ZBED1: variants seen among roughly 807,000 people sequenced by gnomAD.
The protein encoded by ZBED1 is zinc finger BED-type containing 1, also known as E3 SUMO-protein ligase ZBED1.
Under a neutral mutation model 49.7 loss-of-function variants are expected in ZBED1, and 19 were observed. That is an observed-to-expected ratio of 0.38 (90% CI 0.27 to 0.56). ZBED1 has a LOEUF of 0.56. Ranked by LOEUF, ZBED1 falls within the 20% of genes least tolerant of loss-of-function variation. The pLI, the probability that ZBED1 is intolerant of heterozygous loss-of-function variation, is 0.70. For missense variants in ZBED1, 806 were observed against 972.6 expected, an observed-to-expected ratio of 0.83 and a Z score of 2.28; for synonymous variants, 439 against 440.3, an observed-to-expected ratio of 1.00 and a Z score of 0.04.
rs2044969564 is a variant in ZBED1, at chrX:2,487,371, T to C, written c.*1264A>G. The C allele has an allele frequency of 9.4e-6, 1 of 105,852 alleles. No homozygotes were observed. The highest frequency in any genetic ancestry group is 4.5e-4 in the South Asian group (1 of 2,224). The allele number at this position is 105,852 out of a possible 1,614,324, so 6.6% of individuals were successfully genotyped here. On this transcript the variant is annotated 3_prime_UTR_variant, in exon 2 of 2. Coordinates refer to ENST00000652001, the MANE Select transcript of ZBED1 (RefSeq NM_001171136.2). ...CTCCGGACCCGTGAGCCACCCACTT[T>C]TGTTTTGTTTTGAGACGGAGTCTCA...
At chrX:2,495,493 A>C (rs899766874) in intron 1 of ZBED1, among the ~76,000 whole-genome samples, 1 of 152,142 alleles carries the variant, frequency 6.6e-6, no homozygotes, top group Non-Finnish European at 1.5e-5. Context: ...CCCCTAACCA[A>C]GTGACTCCTG....
At chrX:2,493,076 G>A (rs1454877285) in intron 1 of ZBED1, among the ~76,000 whole-genome samples, 1 of 152,226 alleles carries the variant, frequency 6.6e-6, no homozygotes, top group African/African-American at 2.4e-5. Flanking sequence ...CACTTCCCAA[G>A]ACTGGGGTGC....
Position 2,490,661 on chromosome X carries a change from C to G in ZBED1, c.59G>C (p.Arg20Pro). ...ATACTTCCACACCTTGCTCTTGGCGCGGGGGTGGGCCACCAGCTTCAGGTC... is the reference window on the plus strand; with the variant it reads ...ATACTTCCACACCTTGCTCTTGGCGGGGGGGTGGGCCACCAGCTTCAGGTC... ...QTDLKLVAHP[R>P]AKSKVWKYFG... is the part of the protein sequence containing the mutation. The change falls in exon 2 of 2, where the codon CGC (arginine) becomes CCC (proline). Residue 20 changes from arginine (R) to proline (P), a missense_variant. Arg to Pro is a moderately radical substitution (Grantham distance 103). Transcript: ENST00000652001. The G allele has an allele frequency of 6.2e-7, 1 of 1,613,870 alleles. No individual in the cohort carries two copies. Among genetic ancestry groups the G allele is most frequent in the South Asian group, 1.1e-5 (1 of 91,066 alleles).
intron 1 of ZBED1, among the ~76,000 whole-genome samples, chrX:2,495,290 C>A (rs1411986403): frequency 6.6e-6 from 1 of 151,364 alleles, no homozygotes; most frequent in East Asian, 1.9e-4. Flanking sequence ...ATCATTATTC[C>A]TATTGTTGTT....
chrX:2,488,470 CGA>C lies in ZBED1; in HGVS notation c.*163_*164del. The C allele has an allele frequency of 1.0e-6, 1 of 970,332 alleles. No homozygotes were observed. The highest frequency in any genetic ancestry group is 1.5e-6 in the Non-Finnish European group (1 of 678,894). The allele number at this position is 970,332 out of a possible 1,614,324, so 60.1% of individuals were successfully genotyped here. A position where few individuals can be genotyped will look rare whatever the true frequency, so the allele number is the denominator to read the frequency against. ...GATTATAGACAGGAGCCACCGCCCC[CGA>C]CCCTCTCTCACTTCTCAAATCTCTT... On this transcript the variant is annotated 3_prime_UTR_variant, in exon 2 of 2. Coordinates refer to ENST00000652001, the MANE Select transcript of ZBED1 (RefSeq NM_001171136.2).
Position 2,490,091 on chromosome X carries a change from T to G in ZBED1, c.629A>C (p.Tyr210Ser). The change falls in exon 2 of 2, where the codon TAC becomes TCC. Residue 210 changes from tyrosine to serine, a missense_variant. Around this residue, in one of 2 missense-constraint regions of ZBED1, gnomAD observed 749 missense variants for 861.3 expected, o/e 0.87. Coordinates refer to ENST00000652001, the MANE Select transcript of ZBED1 (RefSeq NM_001171136.2). ...CAGGAAGTGGGCGGCCAGCGTGACG[T>G]AGGCGCGGTTCTGATTCTCACTCCT... ...MWRSENQNRA[Y>S]VTLAAHFLGL... 6.2e-7 allele frequency: 1 copy of G among 1,613,796 alleles called. No individual in the cohort carries two copies. The highest frequency in any genetic ancestry group is 1.3e-5 in the African/African-American group (1 of 75,038).
In ZBED1 at chrX:2,487,217, C is replaced by G. The variant is rs2044964041; in HGVS notation, c.*1418G>C. ...GGCAATATTTTAAAATTCATTTCCC[C>G]TATGGTATTCAGTTTAAAAGAGAAG... On this transcript the variant is annotated 3_prime_UTR_variant, in exon 2 of 2. Transcript: ENST00000652001. The G allele has an allele frequency of 6.6e-6, 1 of 152,242 alleles. No homozygotes were observed. Among genetic ancestry groups the G allele is most frequent in the Admixed American group, 6.5e-5 (1 of 15,288 alleles). The allele number at this position is 152,242 out of a possible 1,614,324, so 9.4% of individuals were successfully genotyped here.
At position 2,488,560 on chromosome X, in the gene ZBED1, G is replaced by T; in HGVS notation, c.*75C>A. The T allele has an allele frequency of 6.7e-7, 1 of 1,498,254 alleles. No individual in the cohort carries two copies. Among genetic ancestry groups the T allele is most frequent in the Non-Finnish European group, 8.9e-7 (1 of 1,122,906 alleles). 92.8% of individuals were successfully genotyped at this position (1,498,254 alleles called of 1,614,324 possible). A position where few individuals can be genotyped will look rare whatever the true frequency, so the allele number is the denominator to read the frequency against. ...GGTCTCTGAGGTTCAAAACCAAGCT[G>T]ACCGGGTAAGTATTTACAGCAAAGC... is the stretch of plus-strand genomic sequence containing the variant. On this transcript the variant is annotated 3_prime_UTR_variant, in exon 2 of 2. Coordinates refer to ENST00000652001, the MANE Select transcript of ZBED1 (RefSeq NM_001171136.2).
chrX:2,492,168 A>T (rs1014740728), intron 1 of ZBED1, among the ~76,000 whole-genome samples: 6 of 152,222 alleles, frequency 3.9e-5, no homozygotes, highest in African/African-American at 1.4e-4. Context: ...GTACTTGTGT[A>T]TGGGACCTTG....
intron 1 of ZBED1, among the ~76,000 whole-genome samples, chrX:2,496,558 C>A (rs371855988): frequency 6.6e-6 from 1 of 151,944 alleles, no homozygotes; most frequent in Non-Finnish European, 1.5e-5. Flanking sequence ...GATGGGTGCA[C>A]CAGAATCTCA....
At chrX:2,498,440 C>G (rs1427544819) in intron 1 of ZBED1, among the ~76,000 whole-genome samples, 2 of 152,036 alleles carry the variant, frequency 1.3e-5, no homozygotes, top group African/African-American at 4.8e-5. Context: ...CCACTGGTAT[C>G]GAAAATTATT....
Position 2,500,942 on chromosome X carries a change from C to A in ZBED1, c.-179G>T. ...TGGCGACATGGCTGCCCCGGCCGCG[C>A]CGCCGCCGCTTCCGCGCCGCCCGCG... On this transcript the variant is annotated 5_prime_UTR_variant, in exon 1 of 2. Transcript: ENST00000652001. 9.6e-7 allele frequency: 1 copy of A among 1,044,088 alleles called. No individual in the cohort carries two copies. The highest frequency in any genetic ancestry group is 1.2e-6 in the Non-Finnish European group (1 of 868,618). 64.7% of individuals were successfully genotyped at this position (1,044,088 alleles called of 1,614,324 possible). A position where few individuals can be genotyped will look rare whatever the true frequency, so the allele number is the denominator to read the frequency against.
chrX:2,499,378 CTG>C (rs993183673), intron 1 of ZBED1, among the ~76,000 whole-genome samples: 10 of 150,666 alleles, frequency 6.6e-5, no homozygotes, highest in African/African-American at 2.4e-4. Context: ...TTTTGGAAAA[CTG>C]TTATTTTTGA....
Position 2,490,684 on chromosome X carries a change from G to C in ZBED1, c.36C>G (p.Asp12Glu). The C allele has an allele frequency of 6.2e-7, 1 of 1,613,898 alleles. No homozygotes were observed. The highest frequency in any genetic ancestry group is 8.5e-7 in the Non-Finnish European group (1 of 1,179,834). Residue 12 changes from aspartate (D) to glutamate (E), a missense_variant, in exon 2 of 2, where the codon GAC becomes GAG. Around this residue, in one of 2 missense-constraint regions of ZBED1, gnomAD observed 57 missense variants for 111.3 expected, o/e 0.51. Transcript: ENST00000652001. ...CGCGGGGGTGGGCCACCAGCTTCAG[G>C]TCTGTCTGGGAGCTCTCCAGGCTTT... ...ENKSLESSQT[D>E]LKLVAHPRAK...
Position 2,489,602 on chromosome X carries a change from C to A in ZBED1, c.1118G>T (p.Gly373Val), listed in dbSNP as rs1362814356. ...GTTGTTGCTGTCCTCCACCAAGACC[C>A]CGGCGATGACGAACTGCTGCTCCTT... The part of the protein sequence containing the change: ...RLKEQQFVIA[G>V]VLVEDSNNHH... Residue 373 changes from glycine (G) to valine (V), a missense_variant, in exon 2 of 2, where the codon GGG (glycine) becomes GTG (valine). By Grantham distance (109) the Gly-to-Val change is moderately radical (BLOSUM62 -3). Transcript: ENST00000652001. 6.2e-7 allele frequency: 1 copy of A among 1,612,660 alleles called. No homozygotes were observed. Among genetic ancestry groups the A allele is most frequent in the Non-Finnish European group, 8.5e-7 (1 of 1,179,844 alleles).
Position 2,488,495 on chromosome X carries a change from CT to C in ZBED1, c.*139del, listed in dbSNP as rs1365850331. ...CGACCCTCTCTCACTTCTCAAATCTCTTTCCTTTTTCCACCTTCTAGGTGTC... is the reference window on the plus strand; with the variant it reads ...CGACCCTCTCTCACTTCTCAAATCTCTTCCTTTTTCCACCTTCTAGGTGTC... On this transcript the variant is annotated 3_prime_UTR_variant, in exon 2 of 2. Coordinates refer to ENST00000652001, the MANE Select transcript of ZBED1 (RefSeq NM_001171136.2). The C allele has an allele frequency of 8.5e-7, 1 of 1,180,924 alleles. No individual in the cohort carries two copies. Among genetic ancestry groups the C allele is most frequent in the African/African-American group, 1.6e-5 (1 of 64,220 alleles). 73.2% of individuals were successfully genotyped at this position (1,180,924 alleles called of 1,614,324 possible). A position where few individuals can be genotyped will look rare whatever the true frequency, so the allele number is the denominator to read the frequency against.
intron 1 of ZBED1, among the ~76,000 whole-genome samples, chrX:2,493,988 C>CA (rs200899696): frequency 0.25 from 37,753 of 149,734 alleles, 4,954 homozygotes; most frequent in South Asian, 0.33. Flanking sequence ...AAGAAGAAAA[C>CA]AAAAAAAAAG....
chrX:2,490,127 G>A lies in ZBED1; in HGVS notation c.593C>T (p.Thr198Ile). ...LAEATWCGIS[T>I]DMWRSENQNR... The stretch of plus-strand genomic sequence containing the variant: ...CTGATTCTCACTCCTCCACATGTCG[G>A]TGGAGATGCCACACCAGGTGGCCTC... The change falls in exon 2 of 2, where the codon ACC (threonine) becomes ATC (isoleucine). Residue 198 changes from threonine (T) to isoleucine (I), a missense_variant. Physicochemically the swap from Thr to Ile is moderately conservative, Grantham distance 89 (BLOSUM62 -1). Around this residue, in one of 2 missense-constraint regions of ZBED1, gnomAD observed 749 missense variants for 861.3 expected, o/e 0.87. Transcript: ENST00000652001. The A allele has an allele frequency of 1.9e-6, 3 of 1,613,958 alleles. No individual in the cohort carries two copies. Among genetic ancestry groups the A allele is most frequent in the Non-Finnish European group, 2.5e-6 (3 of 1,179,882 alleles).
At chrX:2,496,570 A>C (rs2045290485) in intron 1 of ZBED1, among the ~76,000 whole-genome samples, 1 of 152,156 alleles carries the variant, frequency 6.6e-6, no homozygotes, top group Non-Finnish European at 1.5e-5. Context: ...AGAATCTCAC[A>C]AATCACCACT....
Sources: allele counts gnomAD v4.1 joint callset (sites outside exome capture counted in the v4.1 genomes callset), GRCh38; gene constraint gnomAD v4.1.1; regional missense constraint gnomAD v4.1.1; transcripts MANE v1.5; gene names NCBI Gene and HGNC (gene_info 2026-07-23, HGNC 2026-07-21).